GREB1L: variants seen among roughly 807,000 people sequenced by gnomAD.
The protein encoded by GREB1L is GREB1-like protein.
GREB1L carries 17 observed loss-of-function variants against 200.8 expected under a neutral mutation model. That is an observed-to-expected ratio of 0.08 (90% CI 0.06 to 0.13). The LOEUF is 0.13. GREB1L is among the 10% of genes least tolerant of loss of function. The pLI, the probability that GREB1L is intolerant of heterozygous loss-of-function variation, is 1.00. For synonymous variants in GREB1L, 789 were observed against 893.0 expected (o/e 0.88, Z 2.08); for missense variants, 1,657 against 2,367.7 (o/e 0.70, Z 6.23).
chr18:21,456,890 T>A (rs2034789766), intron 15 of GREB1L, among the ~76,000 whole-genome samples: 1 of 152,184 alleles, frequency 6.6e-6, no homozygotes, highest in Non-Finnish European at 1.5e-5. Flanking sequence ...TGTTATTTCA[T>A]ATGGATTTTT....
intron 2 of GREB1L, among the ~76,000 whole-genome samples, chr18:21,374,284 G>A (rs1274651573): frequency 6.6e-6 from 1 of 152,174 alleles, no homozygotes; most frequent in Non-Finnish European, 1.5e-5. Flanking sequence ...GATTACAGGT[G>A]TGAGCCACTG....
intron 1 of GREB1L, among the ~76,000 whole-genome samples, chr18:21,315,499 A>G (rs2038853667): frequency 6.6e-6 from 1 of 152,208 alleles, no homozygotes; most frequent in African/African-American, 2.4e-5. Flanking sequence ...ATTTATGTAC[A>G]GATGTTCAAC....
chr18:21,501,476 A>C (rs186575958), intron 23 of GREB1L, among the ~76,000 whole-genome samples: 6 of 152,274 alleles, frequency 3.9e-5, no homozygotes, highest in Admixed American at 2.6e-4. Flanking sequence ...GAGTGAGAAC[A>C]TGCTGTGTTT....
chr18:21,294,764 T>C (rs1242381879), intron 1 of GREB1L, among the ~76,000 whole-genome samples: 2 of 152,174 alleles, frequency 1.3e-5, no homozygotes, highest in Admixed American at 1.3e-4. Context: ...ACAATAGTCA[T>C]TAGCATTCTC....
intron 1 of GREB1L, among the ~76,000 whole-genome samples, chr18:21,295,903 C>T (rs2038519425): frequency 6.6e-6 from 1 of 152,212 alleles, no homozygotes; most frequent in South Asian, 2.1e-4. Context: ...CAACACTTCT[C>T]TATTACTAAA....
intron 1 of GREB1L, among the ~76,000 whole-genome samples, chr18:21,302,466 G>A (rs1185982464): frequency 6.6e-6 from 1 of 152,044 alleles, no homozygotes; most frequent in African/African-American, 2.4e-5. Flanking sequence ...GGTTTTGTAA[G>A]GTGGAAAAAA....
intron 30 of GREB1L, 127 bp downstream of exon 30, chr18:21,516,881 T>TG (rs1451517101): frequency 1.0e-5 from 9 of 871,416 alleles, no homozygotes; most frequent in Admixed American, 6.0e-5. Flanking sequence ...AAGGGAGTTT[T>TG]TTTTTTTTTT....
intron 1 of GREB1L, among the ~76,000 whole-genome samples, chr18:21,351,264 A>C (rs1284484683): frequency 6.6e-6 from 1 of 152,262 alleles, no homozygotes; most frequent in East Asian, 1.9e-4. Context: ...AAAACTGGTT[A>C]ATTCAATTAT....
At chr18:21,496,033 G>A (rs1440030529) in intron 20 of GREB1L, among the ~76,000 whole-genome samples, 4 of 152,138 alleles carry the variant, frequency 2.6e-5, no homozygotes, top group African/African-American at 9.7e-5. Context: ...GAGGCAGGGA[G>A]GAAAAGCAGG....
chr18:21,467,735 A>G (rs764072845), intron 15 of GREB1L, among the ~76,000 whole-genome samples: 1 of 152,166 alleles, frequency 6.6e-6, no homozygotes, highest in Non-Finnish European at 1.5e-5. Flanking sequence ...ACTCCAAGAT[A>G]TGAAATGAGC....
chr18:21,464,816 C>A (rs2035203699), intron 15 of GREB1L, among the ~76,000 whole-genome samples: 1 of 151,978 alleles, frequency 6.6e-6, no homozygotes, highest in Admixed American at 6.6e-5. Context: ...CCAGACAGAT[C>A]CAGATGATGT....
At chr18:21,284,807 G>A (rs2038327208) in intron 1 of GREB1L, among the ~76,000 whole-genome samples, 1 of 152,104 alleles carries the variant, frequency 6.6e-6, no homozygotes, top group Admixed American at 6.6e-5. Flanking sequence ...AAGGTATGAG[G>A]TTTGTTCTCT....
intron 4 of GREB1L, 74 bp downstream of exon 4, chr18:21,384,477 A>G: frequency 8.3e-7 from 1 of 1,197,912 alleles, no homozygotes; most frequent in East Asian, 2.6e-5. Flanking sequence ...TTATTACATG[A>G]GGTGCTCAAG....
At chr18:21,409,706 T>C (rs1464383715) in intron 7 of GREB1L, among the ~76,000 whole-genome samples, 44 of 151,978 alleles carry the variant, frequency 2.9e-4, no homozygotes. Context: ...GGAGTCAGAG[T>C]TCTGCTATTA....
chr18:21,431,600 G>A (rs1479943415), intron 7 of GREB1L, among the ~76,000 whole-genome samples: 1 of 152,046 alleles, frequency 6.6e-6, no homozygotes, highest in Admixed American at 6.6e-5. Flanking sequence ...TGCTTTTGTT[G>A]GTGAATATTC....
intron 2 of GREB1L, among the ~76,000 whole-genome samples, chr18:21,366,780 G>A (rs914061528): frequency 1.3e-5 from 2 of 152,018 alleles, no homozygotes; most frequent in African/African-American, 2.4e-5. Flanking sequence ...ATTTCCAAGA[G>A]AGGCCAAAGA....
intron 15 of GREB1L, among the ~76,000 whole-genome samples, chr18:21,471,522 T>C (rs1406334675): frequency 6.6e-6 from 1 of 152,172 alleles, no homozygotes; most frequent in African/African-American, 2.4e-5. Flanking sequence ...CCTGTTCCCC[T>C]CTATCCCCAG....
intron 15 of GREB1L, among the ~76,000 whole-genome samples, chr18:21,472,591 G>T (rs1181957090): frequency 1.1e-4 from 16 of 150,014 alleles, no homozygotes; most frequent in East Asian, 2.0e-4. Flanking sequence ...CATTATATTG[G>T]TTTTTTTTTT....
chr18:21,451,959 G>C (rs1302433030), intron 13 of GREB1L, 124 bp from the exon 14 acceptor site: 13 of 784,576 alleles, frequency 1.7e-5, no homozygotes, highest in Non-Finnish European at 2.4e-5. Context: ...TGTAAATGCT[G>C]ATATGAATTG....
Sources: gnomAD v4.1 joint callset for allele counts (sites outside exome capture counted in the v4.1 genomes callset) on GRCh38, gnomAD v4.1.1 for gene constraint, MANE v1.5 for transcripts, NCBI Gene and HGNC (gene_info 2026-07-23, HGNC 2026-07-21) for gene names.